LIFR: variants seen among roughly 807,000 people sequenced by gnomAD.
LIFR encodes leukemia inhibitory factor receptor.
In LIFR, 84 loss-of-function variants were observed where a neutral mutation model predicts 122.2. The ratio of observed to expected loss-of-function variants is 0.69; its 90% CI spans 0.58 to 0.82. The LOEUF (loss-of-function observed/expected upper bound fraction) is 0.82, where lower values mean the gene tolerates loss of function less well. LIFR is among the 40% of genes least tolerant of loss of function. The pLI, the probability that LIFR is intolerant of heterozygous loss-of-function variation, is 0.00. For missense variants in LIFR, 1,294 were observed against 1,311.6 expected (o/e 0.99, Z 0.21); for synonymous variants, 422 against 434.7 (o/e 0.97, Z 0.36).
upstream of LIFR, chr5:38,558,129 A>G (rs78015139): frequency 6.6e-6 from 1 of 152,024 alleles, no homozygotes; most frequent in Admixed American, 6.5e-5. Flanking sequence ...TTAAGAAAGT[A>G]TTTTAATATA....
At chr5:38,567,513 T>TATTTATTC (rs1488907589) in intron 1 of LIFR, among the ~76,000 whole-genome samples, 1 of 146,396 alleles carries the variant, frequency 6.8e-6, no homozygotes, top group Admixed American at 6.9e-5. Context: ...TTTATTTATT[T>TATTTATTC]ATTTATTTAT....
At chr5:38,509,134 G>GGT (rs1745657070) in intron 7 of LIFR, among the ~76,000 whole-genome samples, 1 of 152,074 alleles carries the variant, frequency 6.6e-6, no homozygotes, top group Non-Finnish European at 1.5e-5. Context: ...TTACAACACT[G>GGT]TCTGAAATAA....
At chr5:38,537,824 T>C (rs191031845) in intron 1 of LIFR, among the ~76,000 whole-genome samples, 284 of 152,302 alleles carry the variant, frequency 1.9e-3, no homozygotes, top group African/African-American at 6.4e-3. Flanking sequence ...ATCATTTCCT[T>C]AATGATTGCT....
Position 38,511,800 on chromosome 5 carries a change from C to T in LIFR, c.726G>A (p.Lys242=), listed in dbSNP as rs772922882. The T allele has an allele frequency of 8.1e-6, 13 of 1,613,880 alleles. No homozygotes were observed. Among genetic ancestry groups the T allele is most frequent in the Non-Finnish European group, 1.0e-5 (12 of 1,179,802 alleles). ...TAAATATAAGCTTACAAGAAATGTTCTTCACAGGGCTCCAGTCACTCCACT... is the reference window on the plus strand; with the variant it reads ...TAAATATAAGCTTACAAGAAATGTTTTTCACAGGGCTCCAGTCACTCCACT... ...LEEWSDWSPV[K]NISWIPDSQT... is the part of the protein sequence containing the mutation. Residue 242 remains lysine (K), a synonymous_variant, in exon 6 of 20, where the codon AAG becomes AAA. Coordinates refer to ENST00000453190, the MANE Select transcript of LIFR (RefSeq NM_001127671.2).
chr5:38,560,040 ATGG>A (rs1207901260), upstream of LIFR, among the ~76,000 whole-genome samples: 1 of 152,158 alleles, frequency 6.6e-6, no homozygotes, highest in Non-Finnish European at 1.5e-5. Context: ...CCTTGAGTTG[ATGG>A]TGGTTTTTTC....
intron 1 of LIFR, among the ~76,000 whole-genome samples, chr5:38,590,234 G>A (rs1749879653): frequency 6.6e-6 from 1 of 152,192 alleles, no homozygotes; most frequent in African/African-American, 2.4e-5. Flanking sequence ...AGATCCTCTG[G>A]GGAGGCTGAT....
intron 1 of LIFR, among the ~76,000 whole-genome samples, chr5:38,581,727 A>G (rs1749588538): frequency 6.6e-6 from 1 of 152,204 alleles, no homozygotes; most frequent in Admixed American, 6.5e-5. Flanking sequence ...AAGTGACACA[A>G]ATCACTTCTG....
intron 1 of LIFR, among the ~76,000 whole-genome samples, chr5:38,591,485 G>A (rs1346607980): frequency 6.6e-6 from 1 of 152,186 alleles, no homozygotes; most frequent in African/African-American, 2.4e-5. Flanking sequence ...TAATGTTTTG[G>A]ACTTAACGTT....
At chr5:38,599,940 C>T (rs1750192793), upstream of LIFR, among the ~76,000 whole-genome samples, 1 of 152,082 alleles carries the variant, frequency 6.6e-6, no homozygotes, top group African/African-American at 2.4e-5. Context: ...GTACCTTCCT[C>T]CCTTTTAGAA....
intron 1 of LIFR, chr5:38,530,932 C>T (rs1746973384): frequency 1.1e-5 from 4 of 377,688 alleles, no homozygotes; most frequent in Non-Finnish European, 1.9e-5. Context: ...AAAATTACAA[C>T]AAAATTATAA....
intron 1 of LIFR, among the ~76,000 whole-genome samples, chr5:38,547,875 T>C (rs1324294602): frequency 1.3e-5 from 2 of 152,160 alleles, no homozygotes; most frequent in Non-Finnish European, 2.9e-5. Flanking sequence ...GCACCGTTAC[T>C]GTACTGAATA....
At chr5:38,582,934 C>T (rs923709520) in intron 1 of LIFR, among the ~76,000 whole-genome samples, 7 of 152,222 alleles carry the variant, frequency 4.6e-5, no homozygotes, top group Admixed American at 3.3e-4. Flanking sequence ...CTTCACCGTC[C>T]TCCAACAGAG....
intron 5 of LIFR, among the ~76,000 whole-genome samples, chr5:38,515,009 A>G (rs1342576370): frequency 1.3e-5 from 2 of 152,192 alleles, no homozygotes; most frequent in Non-Finnish European, 1.5e-5. Context: ...GAAATAAGAG[A>G]ACGACTGGAG....
rs3822426 is a variant in LIFR, at chr5:38,476,426, A to T, written c.*5169T>A. The T allele has an allele frequency of 0.18, 36,877 of 208,740 alleles. 3,619 individuals are homozygous for T. Among genetic ancestry groups the T allele is most frequent in the Admixed American group, 0.21 (3,579 of 16,848 alleles). The allele number at this position is 208,740 out of a possible 1,614,324, so 12.9% of individuals were successfully genotyped here. On this transcript the variant is annotated 3_prime_UTR_variant, in exon 20 of 20. Transcript: ENST00000453190. ...TAATTCTTAACGGAAGTACACTTTAAATGTATAAGGAAATTCAACAACTTA... is the reference window on the plus strand; with the variant it reads ...TAATTCTTAACGGAAGTACACTTTATATGTATAAGGAAATTCAACAACTTA...
rs758299975 is a variant in LIFR at position 38,506,560 on chromosome 5, G to A, written c.1064C>T (p.Pro355Leu). 3 of 1,613,730 alleles carry A rather than the reference G, an allele frequency of 1.9e-6. No individual in the cohort carries two copies. Among genetic ancestry groups the A allele is most frequent in the South Asian group, 1.1e-5 (1 of 91,078 alleles). The change falls in exon 8 of 20, where the codon CCA (proline) becomes CTA (leucine). Residue 355 changes from proline (P) to leucine (L), a missense_variant. Coordinates refer to ENST00000453190, the MANE Select transcript of LIFR (RefSeq NM_001127671.2). Reference protein sequence around the residue: ...DLKEIICSWNPGRVTALVGPR... With the variant: ...DLKEIICSWNLGRVTALVGPR... The stretch of plus-strand genomic sequence containing the variant: ...GCCCACCAACGCTGTCACCCTTCCT[G>A]GATTCCAACTACATATAATTTCTTT...
At chr5:38,518,041 G>A (rs1364466821) in intron 5 of LIFR, among the ~76,000 whole-genome samples, 2 of 151,048 alleles carry the variant, frequency 1.3e-5, no homozygotes, top group African/African-American at 4.9e-5. Context: ...TCCCTTAGGA[G>A]TTTGAGGCTG....
chr5:38,484,694 T>A (rs189186538), intron 18 of LIFR, 81 bp downstream of exon 18: 3 of 897,566 alleles, frequency 3.3e-6, no homozygotes. Context: ...GATACACTTA[T>A]TTAATACATA....
At chr5:38,540,575 C>A (rs923591683) in intron 1 of LIFR, among the ~76,000 whole-genome samples, 2 of 152,198 alleles carry the variant, frequency 1.3e-5, no homozygotes, top group Non-Finnish European at 2.9e-5. Context: ...TGACTGGAGC[C>A]ATTCACATGA....
chr5:38,562,733 A>G (rs924870915), intron 1 of LIFR, among the ~76,000 whole-genome samples: 6 of 152,190 alleles, frequency 3.9e-5, no homozygotes, highest in African/African-American at 1.4e-4. Flanking sequence ...AAATCCTTGA[A>G]TATATTATTC....
Sources: allele counts gnomAD v4.1 joint callset (sites outside exome capture counted in the v4.1 genomes callset), GRCh38; gene constraint gnomAD v4.1.1; transcripts MANE v1.5; gene names NCBI Gene and HGNC (gene_info 2026-07-23, HGNC 2026-07-21).